The following MTCL1 variants were observed in gnomAD, a reference collection of about 807,000 sequenced individuals.
The protein encoded by MTCL1 is microtubule crosslinking factor 1, also known as microtubule cross-linking factor 1.
A neutral mutation model predicts 141.4 loss-of-function variants in MTCL1; 79 were observed. The observed-to-expected ratio is 0.56, with a 90% CI of 0.47 to 0.67. The LOEUF (loss-of-function observed/expected upper bound fraction) is 0.67. Ranked by LOEUF, MTCL1 falls within the 30% of genes least tolerant of loss-of-function variation. MTCL1 has a pLI of 0.00. For synonymous variants in MTCL1, 914 were observed against 875.8 expected (o/e 1.04, Z -0.77); for missense variants, 2,177 against 2,113.9 (o/e 1.03, Z -0.59).
At chr18:8,787,436 C>G (rs2096560294) in intron 7 of MTCL1, 1 of 153,058 alleles carries the variant, frequency 6.5e-6, no homozygotes, top group African/African-American at 2.4e-5. Context: ...CAGCCTCCAG[C>G]CAGCTGCAGC....
intron 4 of MTCL1, among the ~76,000 whole-genome samples, chr18:8,753,788 C>T (rs908873353): frequency 6.6e-6 from 1 of 152,166 alleles, no homozygotes; most frequent in African/African-American, 2.4e-5. Context: ...TGGTTCCAGC[C>T]TTGCATTCAC....
At chr18:8,809,236 G>A (rs2076400048) in intron 11 of MTCL1, among the ~76,000 whole-genome samples, 1 of 152,184 alleles carries the variant, frequency 6.6e-6, no homozygotes, top group Admixed American at 6.5e-5. Context: ...TTAACCTGGG[G>A]TTAATGGTCT....
chr18:8,737,513 C>T (rs2096280429), intron 4 of MTCL1, among the ~76,000 whole-genome samples: 1 of 152,304 alleles, frequency 6.6e-6, no homozygotes, highest in Non-Finnish European at 1.5e-5. Flanking sequence ...GGTGCATGTT[C>T]TTGAAACTCT....
At chr18:8,705,649 G>A (rs1472810023), upstream of MTCL1, 67 of 1,210,944 alleles carry the variant, frequency 5.5e-5, 1 homozygote, top group Non-Finnish European at 6.7e-5. The surrounding 1 kb of genome is among the most constrained non-coding windows in gnomAD (Gnocchi z 5.2). Context: ...GCTGCTGCCG[G>A]CGGACCCGGC....
Position 8,777,022 on chromosome 18 carries a change from C to G in MTCL1, c.358-811C>G, listed in dbSNP as rs574760581. Among the ~76,000 whole-genome samples, 49 of 152,272 alleles carry G rather than the reference C, an allele frequency of 3.2e-4. 1 individual carries two copies. The highest frequency in any genetic ancestry group is 1.2e-3 in the African/African-American group (48 of 41,558). On this transcript the variant is annotated intron_variant, in intron 4 of 16. Coordinates refer to ENST00000359865, the Ensembl canonical transcript of MTCL1. ...GGCTGAGGCAGGTGGATCACGACGT[C>G]AGGAGATTGAGACCATCCTGGCTAA...
chr18:8,824,239 C>T (rs1416312979), intron 14 of MTCL1, among the ~76,000 whole-genome samples: 3 of 152,216 alleles, frequency 2.0e-5, no homozygotes, highest in Non-Finnish European at 4.4e-5. Flanking sequence ...GAACTCATGG[C>T]AAATTGAAAG....
At chr18:8,799,093 G>A (rs1157135150) in intron 10 of MTCL1, among the ~76,000 whole-genome samples, 1 of 152,198 alleles carries the variant, frequency 6.6e-6, no homozygotes, top group East Asian at 1.9e-4. Flanking sequence ...AGGGCGCAGG[G>A]GCAGGTGGCC....
At chr18:8,751,560 T>TA in intron 4 of MTCL1, among the ~76,000 whole-genome samples, 3 of 152,340 alleles carry the variant, frequency 2.0e-5, no homozygotes, top group Admixed American at 2.0e-4. Flanking sequence ...ATCAACACTC[T>TA]AAAAACAAAC....
Position 8,825,957 on chromosome 18 carries a change from C to T in MTCL1, c.4447C>T (p.Gln1483Ter). 6.3e-7 allele frequency: 1 copy of T among 1,598,184 alleles called. No homozygotes were observed. The highest frequency in any genetic ancestry group is 8.5e-7 in the Non-Finnish European group (1 of 1,171,208). Reference sequence around the variant, plus strand: ...GCCCCGACCAGAGCTGGGCCCAGGCCAGGAAACAGGCACCAATTCCCGAGG... The same window carrying T: ...GCCCCGACCAGAGCTGGGCCCAGGCTAGGAAACAGGCACCAATTCCCGAGG... The change falls in exon 15 of 17, where the codon CAG becomes TAG. Residue 1483 changes from glutamine to a stop codon, truncating the protein, a stop_gained. Coordinates refer to ENST00000359865, the Ensembl canonical transcript of MTCL1. LOFTEE classifies it high-confidence loss of function.
intron 4 of MTCL1, among the ~76,000 whole-genome samples, chr18:8,746,123 T>A (rs185079102): frequency 6.6e-6 from 1 of 152,234 alleles, no homozygotes; most frequent in African/African-American, 2.4e-5. Context: ...CCACATTGAG[T>A]TGATCTGTTT....
Position 8,793,061 on chromosome 18 carries a change from G to GCC in MTCL1, c.1951_1952insCC (p.Val651AlafsTer30). ...CATAGAGGAGCTACAGGGTCAGCTC[G>GCC]TGCAGGCGGCCAGACTGCATCAAGA... On this transcript the variant is annotated frameshift_variant, in exon 8 of 17. Transcript: ENST00000359865. LOFTEE classifies it high-confidence loss of function. The GCC allele has an allele frequency of 6.2e-7, 1 of 1,614,168 alleles. No individual in the cohort carries two copies. Among genetic ancestry groups the GCC allele is most frequent in the South Asian group, 1.1e-5 (1 of 91,076 alleles).
chr18:8,831,515 A>C, intron 16 of MTCL1, 92 bp from the exon 15 acceptor site: 1 of 1,502,128 alleles, frequency 6.7e-7, no homozygotes, highest in African/African-American at 1.4e-5. Context: ...ACTTCATCTC[A>C]CTTGAGTCTG....
chr18:8,713,532 T>G (rs2148774949), upstream of MTCL1, among the ~76,000 whole-genome samples: 1 of 152,328 alleles, frequency 6.6e-6, no homozygotes, highest in East Asian at 1.9e-4. Flanking sequence ...TAATGTAATG[T>G]TAGTTTGAAA....
chr18:8,744,618 T>C (rs2096325122), intron 4 of MTCL1, among the ~76,000 whole-genome samples: 3 of 152,230 alleles, frequency 2.0e-5, no homozygotes, highest in Non-Finnish European at 4.4e-5. Context: ...TTCTTTTCTT[T>C]TCACAGGTTT....
At chr18:8,773,148 C>T (rs375639330) in intron 4 of MTCL1, among the ~76,000 whole-genome samples, 1 of 152,152 alleles carries the variant, frequency 6.6e-6, no homozygotes, top group African/African-American at 2.4e-5. Flanking sequence ...ATTTATAAAT[C>T]TTGGTGCATG....
chr18:8,737,436 C>T (rs1207148116), intron 4 of MTCL1, among the ~76,000 whole-genome samples: 2 of 152,216 alleles, frequency 1.3e-5, no homozygotes, highest in African/African-American at 4.8e-5. Context: ...CTTCTTATAT[C>T]TTTAACAAAC....
At chr18:8,730,221 G>C (rs957896589) in intron 4 of MTCL1, among the ~76,000 whole-genome samples, 1 of 152,024 alleles carries the variant, frequency 6.6e-6, no homozygotes, top group African/African-American at 2.4e-5. Context: ...TTCTTGGTGC[G>C]GAGTCCGTGC....
At chr18:8,761,882 T>C (rs2096434431) in intron 4 of MTCL1, among the ~76,000 whole-genome samples, 1 of 152,222 alleles carries the variant, frequency 6.6e-6, no homozygotes, top group South Asian at 2.1e-4. Flanking sequence ...GAATTTAAGA[T>C]GAGATTTGGG....
intron 7 of MTCL1, 23 bp downstream of exon 6, chr18:8,786,114 C>CCCCT (rs1555655959): frequency 1.4e-6 from 2 of 1,387,384 alleles, no homozygotes; most frequent in South Asian, 1.3e-5. Context: ...AAGCAATCCC[C>CCCCT]CCCCCCCGCC....
Sources: gnomAD v4.1 joint callset for allele counts (sites outside exome capture counted in the v4.1 genomes callset) on GRCh38, gnomAD v4.1.1 for gene constraint, Gnocchi (gnomAD v3.1) non-coding constraint, MANE v1.5 for transcripts, NCBI Gene and HGNC (gene_info 2026-07-23, HGNC 2026-07-21) for gene names.